Variants in TCF12 observed in about 807,000 individuals in gnomAD.
TCF12 encodes DNA-binding protein HTF4.
In TCF12, 45 loss-of-function variants were observed where a neutral mutation model predicts 86.0. That is an observed-to-expected ratio of 0.52 (90% CI 0.41 to 0.67). TCF12 has a LOEUF of 0.67. Ranked by LOEUF, TCF12 falls within the 30% of genes least tolerant of loss-of-function variation. The pLI, the probability that TCF12 is intolerant of heterozygous loss-of-function variation, is 0.00. For synonymous variants in TCF12, 330 were observed against 299.6 expected (o/e 1.10, Z -1.05); for missense variants, 881 against 859.9 (o/e 1.02, Z -0.31).
intron 8 of TCF12, among the ~76,000 whole-genome samples, chr15:57,211,979 CCACACACACACA>C (rs58113866): frequency 1.2e-4 from 10 of 83,820 alleles, no homozygotes; most frequent in African/African-American, 2.9e-4. Flanking sequence ...CACACACACA[CCACACACACACA>C]CACACACACA....
At chr15:57,119,951 A>G (rs182477726) in intron 5 of TCF12, among the ~76,000 whole-genome samples, 129 of 152,264 alleles carry the variant, frequency 8.5e-4, no homozygotes, top group Non-Finnish European at 1.5e-3. Context: ...ATTTCCTGTC[A>G]TTTCTTGTCA....
intron 3 of TCF12, among the ~76,000 whole-genome samples, chr15:56,973,116 C>T (rs1275589835): frequency 6.6e-6 from 1 of 151,976 alleles, no homozygotes; most frequent in Non-Finnish European, 1.5e-5. Context: ...AGGAAGAGAT[C>T]CTGTAATCTT....
chr15:57,134,438 G>C (rs2052372386), intron 5 of TCF12: 1 of 152,228 alleles, frequency 6.6e-6, no homozygotes, highest in Middle Eastern at 3.2e-3. Context: ...CACTGCGGGG[G>C]CTGAAATGAA....
intron 6 of TCF12, among the ~76,000 whole-genome samples, chr15:57,185,573 G>T (rs551669879): frequency 6.6e-6 from 1 of 152,202 alleles, no homozygotes; most frequent in East Asian, 1.9e-4. Context: ...GGACAATATG[G>T]AATCAACAAA....
chr15:57,030,434 G>GA (rs2066097249), intron 3 of TCF12, among the ~76,000 whole-genome samples: 1 of 152,072 alleles, frequency 6.6e-6, no homozygotes, highest in African/African-American at 2.4e-5. Context: ...TTTTTTTGTA[G>GA]AAAATGGGAT....
Position 57,194,241 on chromosome 15 carries a change from C to G in TCF12, c.526+1948C>G, listed in dbSNP as rs187456574. On this transcript the variant is annotated intron_variant, in intron 7 of 20. Coordinates refer to ENST00000333725, the MANE Select transcript of TCF12 (RefSeq NM_207037.2). ...TTAATTTTGATTATGATGATAGACACTATTGATTGTCTCTTCCATGCCAGG... is the reference window on the plus strand; with the variant it reads ...TTAATTTTGATTATGATGATAGACAGTATTGATTGTCTCTTCCATGCCAGG... Among the ~76,000 whole-genome samples, 534 of 138,560 alleles carry G rather than the reference C, an allele frequency of 3.9e-3. 6 individuals are homozygous for G. The highest frequency in any genetic ancestry group is 7.2e-3 in the Middle Eastern group (2 of 278). The allele number at this position is 138,560 out of a possible 152,430, so 90.9% of individuals were successfully genotyped here.
chr15:57,089,336 G>C (rs1187782357), intron 4 of TCF12, among the ~76,000 whole-genome samples: 1 of 152,110 alleles, frequency 6.6e-6, no homozygotes, highest in African/African-American at 2.4e-5. Context: ...TCAGTAAATA[G>C]GTATTGAGGA....
intron 6 of TCF12, among the ~76,000 whole-genome samples, chr15:57,180,806 ATTTTTTTTTTTTT>A (rs34557385): frequency 2.4e-5 from 2 of 82,122 alleles, no homozygotes; most frequent in Non-Finnish European, 4.3e-5. Context: ...GATGCTAATA[ATTTTTTTTTTTTT>A]TTTTTTTTTT....
At chr15:57,081,660 C>A (rs1888194609) in intron 4 of TCF12, among the ~76,000 whole-genome samples, 1 of 152,186 alleles carries the variant, frequency 6.6e-6, no homozygotes, top group South Asian at 2.1e-4. Flanking sequence ...ACCTCAGCCT[C>A]CCAAGTAGCT....
In TCF12 at chr15:57,232,282, T is replaced by C. The variant is rs1199311570; in HGVS notation, c.686-9T>C. 3 of 1,613,108 alleles carry C rather than the reference T, an allele frequency of 1.9e-6. No homozygotes were observed. Among genetic ancestry groups the C allele is most frequent in the Non-Finnish European group, 2.5e-6 (3 of 1,179,712 alleles). ...TAAGGAAAATTTTATATTTCTCTTT[T>C]TGTCTTAGATGGGACCCACAATTCT... On this transcript the variant is annotated splice_polypyrimidine_tract_variant and intron_variant, in intron 9 of 20. Coordinates refer to ENST00000333725, the MANE Select transcript of TCF12 (RefSeq NM_207037.2).
intron 3 of TCF12, among the ~76,000 whole-genome samples, chr15:57,012,841 T>C (rs2064914804): frequency 6.6e-6 from 1 of 152,208 alleles, no homozygotes; most frequent in African/African-American, 2.4e-5. Context: ...TTCCATTGAA[T>C]CTGGTTTGGT....
At chr15:56,998,237 A>C (rs2063814734) in intron 3 of TCF12, among the ~76,000 whole-genome samples, 2 of 152,140 alleles carry the variant, frequency 1.3e-5, no homozygotes, top group Non-Finnish European at 2.9e-5. Context: ...CAGGTGGATC[A>C]CTTGAGGTCA....
At chr15:57,263,326 A>G (rs1444434377) in intron 18 of TCF12, 52 bp downstream of exon 18, 17 of 1,550,120 alleles carry the variant, frequency 1.1e-5, no homozygotes, top group Non-Finnish European at 1.4e-5. Flanking sequence ...ATAGGTAAAC[A>G]TACTTGAGAA....
At chr15:56,923,955 G>A (rs547426743) in intron 3 of TCF12, among the ~76,000 whole-genome samples, 20 of 151,946 alleles carry the variant, frequency 1.3e-4, no homozygotes, top group Admixed American at 1.0e-3. Flanking sequence ...ATTGTAGGAA[G>A]TATTTTCTGG....
chr15:57,264,195 C>CTTTGTTTTTTTTTTTTTTTTTTTT (rs2060728633), intron 18 of TCF12, among the ~76,000 whole-genome samples: 1 of 50,698 alleles, frequency 2.0e-5, no homozygotes, highest in Non-Finnish European at 3.0e-5. Flanking sequence ...CTTTTGTAAG[C>CTTTGTTTTTTTTTTTTTTTTTTTT]TTTTTTTTTT....
intron 5 of TCF12, among the ~76,000 whole-genome samples, chr15:57,151,495 G>A (rs558990738): frequency 5.3e-5 from 8 of 152,146 alleles, no homozygotes; most frequent in South Asian, 2.1e-4. Context: ...GGCCAGGCAC[G>A]GTGGCTCACG....
In TCF12 at chr15:57,033,802, G is replaced by A. The variant is rs187243244; in HGVS notation, c.149-29948G>A. Among the ~76,000 whole-genome samples the A allele has an allele frequency of 5.3e-5, 8 of 152,234 alleles. No individual in the cohort carries two copies. In the East Asian group the frequency reaches 1.5e-3, roughly 29 times the overall value. On this transcript the variant is annotated intron_variant, in intron 3 of 20. Transcript: ENST00000333725. ...AATTTCACAGCTCCGTAGACATTTG[G>A]TAGGGATTATACAGGTCCAAAAGGA... is the stretch of plus-strand genomic sequence containing the variant.
At chr15:57,120,438 T>A (rs1436136012) in intron 5 of TCF12, among the ~76,000 whole-genome samples, 3 of 152,176 alleles carry the variant, frequency 2.0e-5, no homozygotes, top group African/African-American at 7.2e-5. Context: ...TCAATAATTG[T>A]TTGTTGAACT....
intron 13 of TCF12, among the ~76,000 whole-genome samples, chr15:57,248,569 A>C (rs1247648880): frequency 6.6e-6 from 1 of 152,128 alleles, no homozygotes; most frequent in East Asian, 1.9e-4. Context: ...ACAGAAAAAA[A>C]TAATAAGGAG....
Sources: allele counts gnomAD v4.1 joint callset (sites outside exome capture counted in the v4.1 genomes callset), GRCh38; gene constraint gnomAD v4.1.1; transcripts MANE v1.5; gene names NCBI Gene and HGNC (gene_info 2026-07-23, HGNC 2026-07-21).